MAP7D2: variants seen among roughly 807,000 people sequenced by gnomAD.
MAP7D2 encodes MAP7 domain containing 2.
MAP7D2 carries 33 observed loss-of-function variants against 63.5 expected under a neutral mutation model. The ratio of observed to expected loss-of-function variants is 0.52; its 90% confidence interval spans 0.39 to 0.70. The LOEUF (loss-of-function observed/expected upper bound fraction) is 0.70, where lower values mean the gene tolerates loss of function less well. MAP7D2 is among the 30% of genes least tolerant of loss of function. MAP7D2 has a pLI of 0.00. For synonymous variants in MAP7D2, 224 were observed against 223.7 expected (o/e 1.00, Z -0.01); for missense variants, 626 against 604.0 (o/e 1.04, Z -0.38).
rs2073824742 is a variant in MAP7D2 at position 20,025,862 on chromosome X, A to G, written c.1098T>C (p.Ser366=). The change falls in exon 9 of 17, where the codon TCT becomes TCC. Residue 366 remains serine (S), a synonymous_variant. Coordinates refer to ENST00000379643, the MANE Select transcript of MAP7D2 (RefSeq NM_001168465.2). ...CTTTCCTCTTGGGCATGTCTTGGCC[A>G]GAAAGGGCAGGTAAGCGGTACTTCA... ...SPVKYRLPAL[S]GQDMPKRKAE... 8.3e-7 allele frequency: 1 copy of G among 1,209,894 alleles called. No individual in the cohort carries two copies. The highest frequency in any genetic ancestry group is 1.8e-5 in the South Asian group (1 of 56,790).
At chrX:20,036,624 G>A (rs1185129002) in intron 8 of MAP7D2, among the ~76,000 whole-genome samples, 1 of 105,242 alleles carries the variant, frequency 9.5e-6, no homozygotes, top group Non-Finnish European at 2.0e-5. Flanking sequence ...AAAGATTTTC[G>A]GCCAGGCGCG....
At chrX:20,093,432 G>A (rs1267418804) in intron 1 of MAP7D2, among the ~76,000 whole-genome samples, 1 of 111,843 alleles carries the variant, frequency 8.9e-6, no homozygotes, top group Non-Finnish European at 1.9e-5. Context: ...TGAGGCAGAA[G>A]GACTACCTGA....
chrX:20,107,941 A>T (rs1489677226), intron 1 of MAP7D2, among the ~76,000 whole-genome samples: 1 of 112,019 alleles, frequency 8.9e-6, no homozygotes, highest in Non-Finnish European at 1.9e-5. Context: ...GAATCAACAG[A>T]ACTATTAATC....
chrX:20,115,787 A>G (rs957668249), intron 1 of MAP7D2, among the ~76,000 whole-genome samples: 1 of 111,892 alleles, frequency 8.9e-6, no homozygotes, highest in Admixed American at 9.5e-5. Context: ...CATCTTCACT[A>G]TGTGATAATT....
At chrX:20,040,934 AAAC>A (rs901671491) in intron 8 of MAP7D2, among the ~76,000 whole-genome samples, 13 of 111,943 alleles carry the variant, frequency 1.2e-4, no homozygotes, top group African/African-American at 3.2e-4. Flanking sequence ...TTTGTAAAAC[AAAC>A]AACAACAACA....
intron 9 of MAP7D2, 142 bp downstream of exon 9, chrX:20,025,539 A>T: frequency 1.3e-6 from 1 of 778,083 alleles, no homozygotes; most frequent in Non-Finnish European, 1.9e-6. Flanking sequence ...AGCAACGTGC[A>T]AACCCAAGAA....
At chrX:20,116,720 C>A (rs751815593) in intron 1 of MAP7D2, 30 bp downstream of exon 1, 27 of 1,136,690 alleles carry the variant, frequency 2.4e-5, no homozygotes, top group Non-Finnish European at 3.0e-5. Context: ...CCGAAGCCCT[C>A]GGGCGCCCGC....
chrX:20,047,675 G>C (rs184302630), intron 6 of MAP7D2, among the ~76,000 whole-genome samples: 1 of 107,323 alleles, frequency 9.3e-6, no homozygotes, highest in African/African-American at 3.4e-5. Flanking sequence ...AATTAGCTAA[G>C]TGTGGTAGCA....
intron 1 of MAP7D2, among the ~76,000 whole-genome samples, chrX:20,114,947 G>A (rs1355725706): frequency 1.8e-5 from 2 of 111,842 alleles, no homozygotes; most frequent in Non-Finnish European, 3.8e-5. Context: ...CTTTACTTAA[G>A]TACCTGGCCT....
chrX:20,051,027 T>C, intron 5 of MAP7D2, 81 bp from the exon 6 acceptor site: 1 of 829,845 alleles, frequency 1.2e-6, no homozygotes, highest in Non-Finnish European at 1.6e-6. Context: ...ACACAATGCA[T>C]GGTGCAAATT....
chrX:20,047,349 G>A (rs1297982274), intron 6 of MAP7D2, among the ~76,000 whole-genome samples: 1 of 112,229 alleles, frequency 8.9e-6, no homozygotes, highest in African/African-American at 3.2e-5. Flanking sequence ...GGGGATCATA[G>A]TTCCTATGTG....
At chrX:20,093,332 G>A (rs1043544952) in intron 1 of MAP7D2, among the ~76,000 whole-genome samples, 1 of 111,439 alleles carries the variant, frequency 9.0e-6, no homozygotes, top group African/African-American at 3.3e-5. Context: ...AAAAAAGGGT[G>A]GTGGCTTATA....
At position 20,115,654 on chromosome X, in the gene MAP7D2, T is replaced by C. The variant is rs188017514; in HGVS notation, c.130+1096A>G. On this transcript the variant is annotated intron_variant, in intron 1 of 16. Transcript: ENST00000379643. ...AGCTATCTCCTCCTCCTAAGAATGATGCAACTGAAGGCCCAGTCAGAAAAT... is the reference window on the plus strand; with the variant it reads ...AGCTATCTCCTCCTCCTAAGAATGACGCAACTGAAGGCCCAGTCAGAAAAT... Among the ~76,000 whole-genome samples, 6 of 111,769 alleles carry C rather than the reference T, an allele frequency of 5.4e-5. No individual in the cohort carries two copies. In the Admixed American group the frequency reaches 5.7e-4, roughly 11 times the overall value.
chrX:20,052,965 T>C lies in MAP7D2; in HGVS notation c.508A>G (p.Thr170Ala), dbSNP rs751927078. The C allele has an allele frequency of 4.1e-6, 5 of 1,208,767 alleles. No homozygotes were observed. In the South Asian group the frequency reaches 5.3e-5, roughly 13 times the overall value. The change falls in exon 5 of 17, where the codon ACT becomes GCT. Residue 170 changes from threonine to alanine, a missense_variant. Transcript: ENST00000379643. ...TCCGTTGGCTTTGGCAAACTCATAGTTGATGTTGAAAGTTTGTCACATGCT... is the reference window on the plus strand; with the variant it reads ...TCCGTTGGCTTTGGCAAACTCATAGCTGATGTTGAAAGTTTGTCACATGCT... The part of the protein sequence containing the change: ...HDACDKLSTS[T>A]MSLPKPTEPP...
intron 1 of MAP7D2, among the ~76,000 whole-genome samples, chrX:20,094,506 A>ACG (rs2066166296): frequency 5.4e-5 from 1 of 18,504 alleles, no homozygotes; most frequent in Admixed American, 1.0e-3. Flanking sequence ...ATATATATAT[A>ACG]TATATATATG....
intron 1 of MAP7D2, among the ~76,000 whole-genome samples, chrX:20,065,985 C>T (rs2065350782): frequency 9.4e-6 from 1 of 106,118 alleles, no homozygotes; most frequent in South Asian, 4.2e-4. Flanking sequence ...TGCAGTGGTG[C>T]AATCTCGGCT....
chrX:20,055,719 G>A (rs377063911), intron 4 of MAP7D2: 27 of 935,805 alleles, frequency 2.9e-5, no homozygotes, highest in Non-Finnish European at 3.6e-5. Context: ...ATGGCACAGT[G>A]ATGCTCGGAT....
chrX:20,024,296 A>G (rs1233069449), intron 10 of MAP7D2, among the ~76,000 whole-genome samples: 3 of 112,254 alleles, frequency 2.7e-5, no homozygotes, highest in Non-Finnish European at 5.6e-5. Flanking sequence ...AACCCTGGCA[A>G]GCTACTAAAA....
At chrX:20,018,040 C>T (rs1030589641) in intron 10 of MAP7D2, among the ~76,000 whole-genome samples, 1 of 106,214 alleles carries the variant, frequency 9.4e-6, no homozygotes, top group Non-Finnish European at 1.9e-5. Context: ...AACCTTGGCT[C>T]ACCACAACCT....
Sources: allele counts gnomAD v4.1 joint callset (sites outside exome capture counted in the v4.1 genomes callset), GRCh38; gene constraint gnomAD v4.1.1; transcripts MANE v1.5; gene names NCBI Gene and HGNC (gene_info 2026-07-23, HGNC 2026-07-21).